ENTPD3: variants seen among roughly 807,000 people sequenced by gnomAD.
The protein encoded by ENTPD3 is CD39 antigen-like 3.
In ENTPD3, 60 loss-of-function variants were observed where a neutral mutation model predicts 51.2. The observed-to-expected ratio is 1.17, with a 90% CI of 0.95 to 1.45. The LOEUF is 1.45. ENTPD3 is among the 40% of genes most tolerant of loss of function. The probability of loss-of-function intolerance (pLI) is 0.00; values close to 1 mark genes in which losing one functional copy is unlikely to be tolerated. For missense variants in ENTPD3, 593 were observed against 641.1 expected (o/e 0.93, Z 0.81); for synonymous variants, 221 against 238.4 (o/e 0.93, Z 0.67).
chr3:40,414,785 A>C lies in ENTPD3; in HGVS notation c.542A>C (p.Glu181Ala), dbSNP rs1305499042. Residue 181 changes from glutamate (E) to alanine (A), a missense_variant, in exon 6 of 11, where the codon GAA (glutamate) becomes GCA (alanine). Coordinates refer to ENST00000301825, the MANE Select transcript of ENTPD3 (RefSeq NM_001248.4). ...GGTGCTCAAATCATTTCTGGGCAAG[A>C]AGAAGGGGTATATGGATGGATTACA... ...FRGAQIISGQEEGVYGWITAN... is the reference protein window; with the variant it reads ...FRGAQIISGQAEGVYGWITAN... The C allele has an allele frequency of 6.2e-6, 10 of 1,614,076 alleles. No homozygotes were observed. The highest frequency in any genetic ancestry group is 8.5e-6 in the Non-Finnish European group (10 of 1,179,992).
intron 10 of ENTPD3, among the ~76,000 whole-genome samples, chr3:40,425,201 T>C (rs1955957782): frequency 6.6e-6 from 1 of 152,080 alleles, no homozygotes; most frequent in Admixed American, 6.5e-5. Context: ...GCGGATCACC[T>C]GAGGTCAGGA....
chr3:40,395,598 G>A (rs1230149260), intron 3 of ENTPD3, among the ~76,000 whole-genome samples: 2 of 152,176 alleles, frequency 1.3e-5, no homozygotes, highest in African/African-American at 4.8e-5. Flanking sequence ...CTGGTACAGA[G>A]AACTCAAAGT....
intron 4 of ENTPD3, among the ~76,000 whole-genome samples, chr3:40,410,873 G>A (rs1274139025): frequency 6.6e-6 from 1 of 152,160 alleles, no homozygotes; most frequent in African/African-American, 2.4e-5. Flanking sequence ...AGAAGAGGGT[G>A]ATGGATGAAG....
chr3:40,419,725 T>C (rs1378796032), intron 7 of ENTPD3, among the ~76,000 whole-genome samples: 4 of 152,234 alleles, frequency 2.6e-5, no homozygotes, highest in African/African-American at 7.2e-5. Flanking sequence ...CCTCTGTTGT[T>C]AAATGTATTT....
chr3:40,412,036 T>G, intron 5 of ENTPD3, 74 bp downstream of exon 5: 1 of 1,383,894 alleles, frequency 7.2e-7, no homozygotes, highest in Non-Finnish European at 9.6e-7. Context: ...GCCAAGAATG[T>G]AACTCTATTT....
At chr3:40,394,427 T>G (rs923277108) in intron 3 of ENTPD3, 16 of 204,970 alleles carry the variant, frequency 7.8e-5, no homozygotes, top group Middle Eastern at 9.4e-4. Context: ...CAGCCGCAAC[T>G]AAGAGTAATA....
At chr3:40,402,123 C>CTCTTTTT (rs1955375127) in intron 4 of ENTPD3, among the ~76,000 whole-genome samples, 1 of 95,024 alleles carries the variant, frequency 1.1e-5, no homozygotes, top group African/African-American at 3.9e-5. Context: ...TTTTTTTTTT[C>CTCTTTTT]TTTTTTTTTT....
intron 4 of ENTPD3, among the ~76,000 whole-genome samples, chr3:40,404,192 A>G (rs1559511333): frequency 6.6e-6 from 1 of 152,220 alleles, no homozygotes; most frequent in African/African-American, 2.4e-5. Flanking sequence ...TGAACCCTGG[A>G]AAGTTATCTA....
chr3:40,422,839 TATACCTAC>T lies in ENTPD3; in HGVS notation c.832-9_832-2del. The T allele has an allele frequency of 6.2e-7, 1 of 1,606,922 alleles. No individual in the cohort carries two copies. The highest frequency in any genetic ancestry group is 1.7e-5 in the Admixed American group (1 of 59,764). Reference sequence around the variant, plus strand: ...ACATACGTGTCTAACACCTTACTCTTATACCTACAGAATTCTCCTACCAAAAACCATCT... The same window carrying T: ...ACATACGTGTCTAACACCTTACTCTTAGAATTCTCCTACCAAAAACCATCT... On this transcript the variant is annotated splice_polypyrimidine_tract_variant and splice_region_variant and intron_variant, in intron 7 of 10. Coordinates refer to ENST00000301825, the MANE Select transcript of ENTPD3 (RefSeq NM_001248.4).
At position 40,393,053 on chromosome 3, in the gene ENTPD3, A is replaced by ACAAGTCCAT. The variant is rs535357900; in HGVS notation, c.168+905_168+913dup. 1.8e-3 allele frequency among the ~76,000 whole-genome samples: 274 copies of ACAAGTCCAT among 152,038 alleles called. 4 individuals carry two copies. Among genetic ancestry groups the ACAAGTCCAT allele is most frequent in the Admixed American group, 0.016 (239 of 15,276 alleles). Reference sequence around the variant, plus strand: ...TCCCAGAGGCCCCTCTTAGTTCTCAACAAGTCCATCCCCAAATGATCTTTA... The same window carrying ACAAGTCCAT: ...TCCCAGAGGCCCCTCTTAGTTCTCAACAAGTCCATCAAGTCCATCCCCAAATGATCTTTA... On this transcript the variant is annotated intron_variant, in intron 3 of 10. Coordinates refer to ENST00000301825, the MANE Select transcript of ENTPD3 (RefSeq NM_001248.4).
intron 2 of ENTPD3, among the ~76,000 whole-genome samples, chr3:40,389,924 A>C (rs781439869): frequency 3.3e-5 from 5 of 152,208 alleles, no homozygotes; most frequent in Non-Finnish European, 5.9e-5. Context: ...GATCTATCCA[A>C]TTGCTGTTCA....
chr3:40,414,576 C>A, intron 5 of ENTPD3, 105 bp from the exon 6 acceptor site: 1 of 1,258,328 alleles, frequency 7.9e-7, no homozygotes, highest in Non-Finnish European at 1.1e-6. Context: ...TTCATCCCCA[C>A]CAGCAGGGAG....
At chr3:40,388,173 T>A in intron 2 of ENTPD3, 76 bp downstream of exon 2, 2 of 1,321,414 alleles carry the variant, frequency 1.5e-6, no homozygotes, top group South Asian at 2.4e-5. Context: ...CTACAGTTTT[T>A]CATCCATATC....
Position 40,400,879 on chromosome 3 carries a change from T to C in ENTPD3, c.169-15T>C, listed in dbSNP as rs1232784264. 6.2e-7 allele frequency: 1 copy of C among 1,604,558 alleles called. No individual in the cohort carries two copies. Among genetic ancestry groups the C allele is most frequent in the Non-Finnish European group, 8.5e-7 (1 of 1,171,620 alleles). ...GTCCCGCCCATTCTGACTCTCCCTT[T>C]CCCTTTTTATTCAGTATGGTATTGT... On this transcript the variant is annotated splice_polypyrimidine_tract_variant and intron_variant, in intron 3 of 10. Transcript: ENST00000301825.
At chr3:40,413,884 G>C (rs1955687294) in intron 5 of ENTPD3, among the ~76,000 whole-genome samples, 1 of 152,164 alleles carries the variant, frequency 6.6e-6, no homozygotes, top group African/African-American at 2.4e-5. Flanking sequence ...GGAAAACTCT[G>C]AATTATTTTC....
At chr3:40,387,986 T>A in intron 1 of ENTPD3, 60 bp from the exon 2 acceptor site, 1 of 1,441,990 alleles carries the variant, frequency 6.9e-7, no homozygotes, top group Non-Finnish European at 9.8e-7. Context: ...GGGCTCGTTC[T>A]TTAAACTTGT....
chr3:40,410,442 A>AG (rs1233917878), intron 4 of ENTPD3, among the ~76,000 whole-genome samples: 2 of 123,430 alleles, frequency 1.6e-5, no homozygotes, highest in Non-Finnish European at 3.4e-5. Context: ...ACTCCATCTC[A>AG]GAAAAAAAAA....
chr3:40,395,401 T>C (rs1203957400), intron 3 of ENTPD3, among the ~76,000 whole-genome samples: 1 of 152,214 alleles, frequency 6.6e-6, no homozygotes, highest in Non-Finnish European at 1.5e-5. Context: ...TGTTGAATGC[T>C]ACTGTCTTAG....
At chr3:40,410,831 C>A (rs904693532) in intron 4 of ENTPD3, among the ~76,000 whole-genome samples, 1 of 151,644 alleles carries the variant, frequency 6.6e-6, no homozygotes, top group Non-Finnish European at 1.5e-5. Flanking sequence ...TGCACTGTAC[C>A]GAATTTATTG....
Sources: gnomAD v4.1 joint callset for allele counts (sites outside exome capture counted in the v4.1 genomes callset) on GRCh38, gnomAD v4.1.1 for gene constraint, MANE v1.5 for transcripts, NCBI Gene and HGNC (gene_info 2026-07-23, HGNC 2026-07-21) for gene names.